The following TSPAN7 variants were observed in gnomAD, a reference collection of about 807,000 sequenced individuals.
TSPAN7 encodes tetraspanin 7.
TSPAN7 carries 1 observed loss-of-function variant against 17.6 expected under a neutral mutation model. The observed-to-expected ratio is 0.06, with a 90% confidence interval of 0.02 to 0.27. TSPAN7 has a LOEUF of 0.27. TSPAN7 is among the 10% of genes least tolerant of loss of function. The pLI is 1.00. For missense variants in TSPAN7, 112 were observed against 201.7 expected (o/e 0.56, Z 2.69); for synonymous variants, 78 against 79.0 (o/e 0.99, Z 0.07).
chrX:38,596,595 C>T (rs2069319916), intron 1 of TSPAN7, among the ~76,000 whole-genome samples: 1 of 110,827 alleles, frequency 9.0e-6, no homozygotes, highest in Non-Finnish European at 1.9e-5. Context: ...TGATCTACAC[C>T]CTTGCTACCC....
At chrX:38,620,947 T>C (rs2069484940) in intron 1 of TSPAN7, among the ~76,000 whole-genome samples, 1 of 112,373 alleles carries the variant, frequency 8.9e-6, no homozygotes, top group Non-Finnish European at 1.9e-5. Flanking sequence ...CCAGTAAATA[T>C]GTACTTAAAG....
At position 38,619,992 on chromosome X, in the gene TSPAN7, G is replaced by T. The variant is rs751784733; in HGVS notation, c.82-46129G>T. On this transcript the variant is annotated intron_variant, in intron 1 of 7. Coordinates refer to ENST00000378482, the MANE Select transcript of TSPAN7 (RefSeq NM_004615.4). ...TCTATCCCCTGTGCTAGAGAAAGTA[G>T]TGTGATGTGGTTATTGTTATTTAGA... Among the ~76,000 whole-genome samples, 106 of 112,150 alleles carry T rather than the reference G, an allele frequency of 9.5e-4. 1 individual carries two copies. The highest frequency in any genetic ancestry group is 1.5e-3 in the Admixed American group (16 of 10,585).
intron 1 of TSPAN7, among the ~76,000 whole-genome samples, chrX:38,578,569 G>T (rs780863911): frequency 9.0e-6 from 1 of 111,118 alleles, no homozygotes; most frequent in Non-Finnish European, 1.9e-5. Flanking sequence ...TTATGTAAAT[G>T]ACTTAGAACA....
At chrX:38,571,111 G>A (rs1321465751) in intron 1 of TSPAN7, among the ~76,000 whole-genome samples, 1 of 111,442 alleles carries the variant, frequency 9.0e-6, no homozygotes, top group Non-Finnish European at 1.9e-5. Context: ...TTTTGACTCT[G>A]GAAGATTTTC....
At chrX:38,662,505 A>T (rs1033090281) in intron 1 of TSPAN7, among the ~76,000 whole-genome samples, 1 of 111,355 alleles carries the variant, frequency 9.0e-6, no homozygotes, top group Admixed American at 9.5e-5. Flanking sequence ...GCACAGGAGG[A>T]TGGGTAGGGT....
chrX:38,561,766 G>T, intron 1 of TSPAN7, 139 bp downstream of exon 1: 1 of 511,680 alleles, frequency 2.0e-6, no homozygotes, highest in Non-Finnish European at 3.1e-6. Context: ...GGCGCGGGGT[G>T]CTGGGTCGGG....
At chrX:38,685,357 T>A (rs1445690749) in intron 6 of TSPAN7, among the ~76,000 whole-genome samples, 4 of 112,435 alleles carry the variant, frequency 3.6e-5, no homozygotes, top group Non-Finnish European at 7.5e-5. Flanking sequence ...CAGTGGCTCA[T>A]GCCTGTAATC....
chrX:38,636,503 A>C (rs192015006), intron 1 of TSPAN7, among the ~76,000 whole-genome samples: 83 of 111,352 alleles, frequency 7.5e-4, no homozygotes, highest in African/African-American at 2.5e-3. Flanking sequence ...GCATCATGGA[A>C]AATGGTGGAA....
intron 1 of TSPAN7, among the ~76,000 whole-genome samples, chrX:38,644,549 C>T (rs915924318): frequency 3.6e-5 from 4 of 111,662 alleles, no homozygotes; most frequent in African/African-American, 1.3e-4. Flanking sequence ...CCTCAACCCC[C>T]GTCTGTAATA....
chrX:38,605,519 C>G (rs1344417680), intron 1 of TSPAN7, among the ~76,000 whole-genome samples: 3 of 108,075 alleles, frequency 2.8e-5, no homozygotes, highest in African/African-American at 1.0e-4. Context: ...CCATCCCCAT[C>G]AAGCTACCAA....
intron 5 of TSPAN7, among the ~76,000 whole-genome samples, chrX:38,680,944 G>A (rs771364527): frequency 8.9e-6 from 1 of 111,864 alleles, no homozygotes; most frequent in East Asian, 2.8e-4. Flanking sequence ...GATTTGGGGA[G>A]GTTCCAATGA....
intron 1 of TSPAN7, among the ~76,000 whole-genome samples, chrX:38,616,018 T>G (rs1198787802): frequency 8.9e-6 from 1 of 112,083 alleles, no homozygotes; most frequent in Non-Finnish European, 1.9e-5. Context: ...CTGGGCCTGT[T>G]TCTGCATCAT....
At chrX:38,617,964 G>A (rs1438043547) in intron 1 of TSPAN7, among the ~76,000 whole-genome samples, 1 of 111,672 alleles carries the variant, frequency 9.0e-6, no homozygotes, top group Admixed American at 9.5e-5. Context: ...AGACTTAAGC[G>A]ATACGATGAT....
chrX:38,604,334 C>T (rs1445009978), intron 1 of TSPAN7, among the ~76,000 whole-genome samples: 1 of 107,338 alleles, frequency 9.3e-6, no homozygotes, highest in African/African-American at 3.4e-5. Context: ...AATAAACATA[C>T]GTGTGCATGT....
intron 1 of TSPAN7, among the ~76,000 whole-genome samples, chrX:38,567,357 C>G (rs938459369): frequency 1.2e-4 from 14 of 112,272 alleles, no homozygotes; most frequent in Admixed American, 3.8e-4. Flanking sequence ...TGGTGGTAGG[C>G]AGGAAAGCTT....
chrX:38,584,033 A>C (rs1262014671), intron 1 of TSPAN7, among the ~76,000 whole-genome samples: 1 of 95,696 alleles, frequency 1.0e-5, no homozygotes, highest in East Asian at 3.2e-4. Flanking sequence ...ATCTCACTGC[A>C]AGCTCCACCT....
chrX:38,646,950 A>G (rs775038085), intron 1 of TSPAN7, among the ~76,000 whole-genome samples: 2 of 111,471 alleles, frequency 1.8e-5, no homozygotes, highest in African/African-American at 6.5e-5. Flanking sequence ...ACTTAGGAAG[A>G]ACAGTGCTAA....
chrX:38,616,370 G>A (rs764943132), intron 1 of TSPAN7, among the ~76,000 whole-genome samples: 2 of 111,861 alleles, frequency 1.8e-5, no homozygotes, highest in Non-Finnish European at 3.8e-5. Context: ...CTCTCTCAAC[G>A]GCTATACCTT....
intron 1 of TSPAN7, among the ~76,000 whole-genome samples, chrX:38,662,865 C>T (rs903221432): frequency 9.1e-6 from 1 of 109,894 alleles, no homozygotes; most frequent in East Asian, 2.9e-4. Flanking sequence ...CCAGTTTCCA[C>T]GTTATTGAGA....
Sources: gnomAD v4.1 joint callset for allele counts (sites outside exome capture counted in the v4.1 genomes callset) on GRCh38, gnomAD v4.1.1 for gene constraint, MANE v1.5 for transcripts, NCBI Gene and HGNC (gene_info 2026-07-23, HGNC 2026-07-21) for gene names.